The following SUMF1 variants were observed in gnomAD, a reference collection of about 807,000 sequenced individuals.
SUMF1 encodes sulfatase modifying factor 1.
SUMF1 carries 48 observed loss-of-function variants against 47.6 expected under a neutral mutation model. That is an observed-to-expected ratio of 1.01 (90% CI 0.80 to 1.28). SUMF1 has a LOEUF of 1.28. Among genes scored for constraint, SUMF1 ranks in the 50% most tolerant of loss-of-function variants. The pLI is 0.00. For missense variants in SUMF1, 571 were observed against 485.4 expected (o/e 1.18, Z -1.66); for synonymous variants, 230 against 192.1 (o/e 1.20, Z -1.63).
At chr3:4,395,694 C>T (rs1701018108) in intron 7 of SUMF1, among the ~76,000 whole-genome samples, 1 of 152,116 alleles carries the variant, frequency 6.6e-6, no homozygotes, top group Non-Finnish European at 1.5e-5. Context: ...TTCACCCACA[C>T]CAGATTAGAA....
chr3:4,291,204 A>C (rs1697735832), intron 8 of SUMF1, among the ~76,000 whole-genome samples: 1 of 152,214 alleles, frequency 6.6e-6, no homozygotes, highest in Non-Finnish European at 1.5e-5. Flanking sequence ...AATGACAATC[A>C]AGAATTTCAA....
intron 8 of SUMF1, among the ~76,000 whole-genome samples, chr3:4,206,420 A>G (rs980306979): frequency 2.6e-5 from 4 of 152,080 alleles, no homozygotes; most frequent in Non-Finnish European, 4.4e-5. Context: ...CCCTCCAGTG[A>G]GGGCTGGTCT....
At chr3:4,143,982 CTCTCTCTTT>C (rs1405703504) in intron 8 of SUMF1, among the ~76,000 whole-genome samples, 1 of 80,524 alleles carries the variant, frequency 1.2e-5, no homozygotes, top group Non-Finnish European at 3.1e-5. Flanking sequence ...CCACTGTCTT[CTCTCTCTTT>C]TTTTTTTTTT....
At chr3:4,264,003 G>A (rs563260098) in intron 8 of SUMF1, among the ~76,000 whole-genome samples, 9 of 152,076 alleles carry the variant, frequency 5.9e-5, no homozygotes, top group South Asian at 4.2e-4. Flanking sequence ...TTACTATTAC[G>A]CACATAACAT....
chr3:4,351,369 A>G (rs527644224), intron 8 of SUMF1, among the ~76,000 whole-genome samples: 1 of 152,160 alleles, frequency 6.6e-6, no homozygotes, highest in Non-Finnish European at 1.5e-5. Flanking sequence ...CAAGTAAGAA[A>G]CTTTAGCCTC....
chr3:4,073,818 G>A (rs1269779109), intron 8 of SUMF1, among the ~76,000 whole-genome samples: 1 of 152,116 alleles, frequency 6.6e-6, no homozygotes, highest in Non-Finnish European at 1.5e-5. Flanking sequence ...ACCCAATACA[G>A]GAGCACCCAG....
At chr3:4,304,578 C>T (rs1698107254) in intron 8 of SUMF1, among the ~76,000 whole-genome samples, 1 of 152,220 alleles carries the variant, frequency 6.6e-6, no homozygotes, top group African/African-American at 2.4e-5. Context: ...ATCTTAGCTA[C>T]TTCCCAGAGC....
intron 8 of SUMF1, among the ~76,000 whole-genome samples, chr3:4,199,457 C>T (rs1052984917): frequency 1.2e-4 from 18 of 152,074 alleles, no homozygotes; most frequent in Non-Finnish European, 1.6e-4. Context: ...TTTGTGTGCA[C>T]ATATGATTTC....
intron 8 of SUMF1, among the ~76,000 whole-genome samples, chr3:4,225,941 G>C (rs188179326): frequency 1.2e-4 from 19 of 152,206 alleles, no homozygotes; most frequent in Admixed American, 6.5e-4. Flanking sequence ...GGAAGATGTA[G>C]GATGGAGAGC....
chr3:4,384,663 T>C (rs111423297), intron 7 of SUMF1, among the ~76,000 whole-genome samples: 1 of 152,292 alleles, frequency 6.6e-6, no homozygotes. Flanking sequence ...ATACCAACAA[T>C]CTATCCCTTA....
At chr3:4,270,168 G>C (rs1697275051) in intron 8 of SUMF1, among the ~76,000 whole-genome samples, 1 of 152,106 alleles carries the variant, frequency 6.6e-6, no homozygotes, top group Non-Finnish European at 1.5e-5. Context: ...AAACTAAATT[G>C]ATGATACACT....
intron 8 of SUMF1, among the ~76,000 whole-genome samples, chr3:4,152,344 G>C (rs1488343303): frequency 6.6e-6 from 1 of 151,606 alleles, no homozygotes; most frequent in Non-Finnish European, 1.5e-5. Context: ...CTGGAGAGCA[G>C]TGGTGCAATC....
At chr3:4,394,302 T>A (rs1438001666) in intron 7 of SUMF1, among the ~76,000 whole-genome samples, 1 of 152,070 alleles carries the variant, frequency 6.6e-6, no homozygotes, top group Non-Finnish European at 1.5e-5. Flanking sequence ...CCTGAGTAGC[T>A]GGGACCACAG....
chr3:4,448,914 T>G (rs775661196), intron 3 of SUMF1, among the ~76,000 whole-genome samples: 1 of 152,212 alleles, frequency 6.6e-6, no homozygotes, highest in Non-Finnish European at 1.5e-5. Flanking sequence ...ACTTTTAGAA[T>G]AGAATTTTAA....
intron 8 of SUMF1, among the ~76,000 whole-genome samples, chr3:4,170,074 C>A (rs2166024): frequency 0.66 from 99,347 of 151,638 alleles, 32,670 homozygotes; most frequent in South Asian, 0.73. Flanking sequence ...AAATCTGCCC[C>A]CCACCCCATC....
chr3:4,109,033 A>G (rs1005663704), intron 8 of SUMF1, among the ~76,000 whole-genome samples: 1 of 152,042 alleles, frequency 6.6e-6, no homozygotes, highest in African/African-American at 2.4e-5. Context: ...TGGTCTTTAC[A>G]ATTTGGCATG....
At chr3:4,255,669 G>T (rs1464282780) in intron 8 of SUMF1, among the ~76,000 whole-genome samples, 2 of 139,330 alleles carry the variant, frequency 1.4e-5, no homozygotes, top group African/African-American at 5.6e-5. Flanking sequence ...AATAATGGGA[G>T]ACTTTAACAC....
chr3:4,407,469 C>T (rs1203194406), intron 7 of SUMF1, among the ~76,000 whole-genome samples: 1 of 152,008 alleles, frequency 6.6e-6, no homozygotes, highest in Non-Finnish European at 1.5e-5. Flanking sequence ...GTAAACGTTC[C>T]CTGAAAATGT....
chr3:4,338,854 C>CAA (rs994702703), intron 8 of SUMF1, among the ~76,000 whole-genome samples: 1 of 151,878 alleles, frequency 6.6e-6, no homozygotes, highest in African/African-American at 2.4e-5. Context: ...TGTGTGTGTG[C>CAA]AAATTTGGCA....
Sources: gnomAD v4.1 joint callset for allele counts (sites outside exome capture counted in the v4.1 genomes callset) on GRCh38, gnomAD v4.1.1 for gene constraint, MANE v1.5 for transcripts, NCBI Gene and HGNC (gene_info 2026-07-23, HGNC 2026-07-21) for gene names.